SLC8A3: variants seen among roughly 807,000 people sequenced by gnomAD.
The protein encoded by SLC8A3 is sodium/calcium exchanger 3.
A neutral mutation model predicts 65.4 loss-of-function variants in SLC8A3; 37 were observed. That is an observed-to-expected ratio of 0.57 (90% CI 0.44 to 0.74). The LOEUF (loss-of-function observed/expected upper bound fraction) is 0.74. Among genes scored for constraint, SLC8A3 ranks in the 30% least tolerant of loss-of-function variants. SLC8A3 has a pLI of 0.00. For missense variants in SLC8A3, 1,112 were observed against 1,172.1 expected, an observed-to-expected ratio of 0.95 and a Z score of 0.75; for synonymous variants, 461 against 444.5, an observed-to-expected ratio of 1.04 and a Z score of -0.47.
intron 2 of SLC8A3, among the ~76,000 whole-genome samples, chr14:70,076,131 C>G (rs1890496368): frequency 6.6e-6 from 1 of 152,168 alleles, no homozygotes. Flanking sequence ...ATATCTTGTC[C>G]TCATTCCTGC....
intron 2 of SLC8A3, among the ~76,000 whole-genome samples, chr14:70,064,782 GT>G (rs1426978246): frequency 1.3e-5 from 2 of 152,180 alleles, no homozygotes; most frequent in African/African-American, 4.8e-5. Context: ...AAAGGTGTTA[GT>G]TTGTTAATAT....
chr14:70,068,324 T>C (rs1197509118), intron 2 of SLC8A3, among the ~76,000 whole-genome samples: 1 of 152,210 alleles, frequency 6.6e-6, no homozygotes, highest in Non-Finnish European at 1.5e-5. Flanking sequence ...ATAATATATA[T>C]GCTTACATTG....
chr14:70,064,605 TTCA>T (rs1376113851), intron 2 of SLC8A3, among the ~76,000 whole-genome samples: 1 of 152,022 alleles, frequency 6.6e-6, no homozygotes, highest in African/African-American at 2.4e-5. Context: ...ATTCTGGCAA[TTCA>T]CAGAGGGCCT....
At chr14:70,069,260 G>A (rs1889774397) in intron 2 of SLC8A3, among the ~76,000 whole-genome samples, 2 of 152,142 alleles carry the variant, frequency 1.3e-5, no homozygotes, top group Admixed American at 6.5e-5. Context: ...GGTAATAAGT[G>A]GATCTGCCTC....
At chr14:70,151,214 A>G (rs1269418994) in intron 2 of SLC8A3, among the ~76,000 whole-genome samples, 3 of 151,468 alleles carry the variant, frequency 2.0e-5, no homozygotes, top group Non-Finnish European at 4.4e-5. Flanking sequence ...AGATCGTGCC[A>G]CTGCACTCCA....
At chr14:70,168,533 G>T in intron 1 of SLC8A3, 49 bp from the exon 2 acceptor site, 2 of 780,390 alleles carry the variant, frequency 2.6e-6, no homozygotes, top group Non-Finnish European at 2.0e-6. Flanking sequence ...AAAGGGGACA[G>T]CAAACGGCAG....
chr14:70,090,187 T>C (rs1427616726), intron 2 of SLC8A3, among the ~76,000 whole-genome samples: 1 of 152,188 alleles, frequency 6.6e-6, no homozygotes, highest in Non-Finnish European at 1.5e-5. Flanking sequence ...GATAATTTCT[T>C]TGATCAACAC....
chr14:70,149,396 C>G (rs2140301179), intron 2 of SLC8A3, among the ~76,000 whole-genome samples: 1 of 152,292 alleles, frequency 6.6e-6, no homozygotes, highest in Non-Finnish European at 1.5e-5. Context: ...TGCTCCAGAT[C>G]ACTTGGCCAT....
At chr14:70,062,265 C>T (rs916749891) in intron 2 of SLC8A3, among the ~76,000 whole-genome samples, 1 of 152,072 alleles carries the variant, frequency 6.6e-6, no homozygotes, top group Non-Finnish European at 1.5e-5. Flanking sequence ...AGTAGACTGA[C>T]CCAAAGGGGC....
chr14:70,079,230 C>A (rs1890811926), intron 2 of SLC8A3, among the ~76,000 whole-genome samples: 1 of 151,350 alleles, frequency 6.6e-6, no homozygotes, highest in African/African-American at 2.4e-5. Flanking sequence ...ACACCTGTAA[C>A]CACAGCACTT....
At chr14:70,117,171 C>T (rs957691024) in intron 2 of SLC8A3, among the ~76,000 whole-genome samples, 11 of 152,208 alleles carry the variant, frequency 7.2e-5, no homozygotes, top group African/African-American at 2.7e-4. Context: ...AGTCTTGGTG[C>T]CCAATGTGGC....
rs116816802 is a variant in SLC8A3, at chr14:70,054,855, A to G, written c.1889-2741T>C. Among the ~76,000 whole-genome samples, 790 of 152,240 alleles carry G rather than the reference A, an allele frequency of 5.2e-3. 10 individuals are homozygous for G. Among genetic ancestry groups the G allele is most frequent in the African/African-American group, 0.018 (760 of 41,532 alleles). The stretch of plus-strand genomic sequence containing the variant: ...AGCCTGTAGGTGACTTTGAATATAA[A>G]TGAACTCTGTAAGATGTTTTGCCTC... On this transcript the variant is annotated intron_variant, in intron 3 of 6. Transcript: ENST00000356921.
chr14:70,158,930 A>G (rs1412505550), intron 2 of SLC8A3, among the ~76,000 whole-genome samples: 1 of 152,200 alleles, frequency 6.6e-6, no homozygotes, highest in Admixed American at 6.5e-5. Flanking sequence ...CAAAATCCTC[A>G]AAGCATTTGA....
intron 2 of SLC8A3, among the ~76,000 whole-genome samples, chr14:70,109,048 T>C (rs899622893): frequency 6.6e-6 from 1 of 152,246 alleles, no homozygotes; most frequent in Non-Finnish European, 1.5e-5. Context: ...CTTTCATGTG[T>C]AGCACTTTTC....
At chr14:70,054,492 C>G (rs1887855374) in intron 3 of SLC8A3, among the ~76,000 whole-genome samples, 1 of 150,882 alleles carries the variant, frequency 6.6e-6, no homozygotes, top group South Asian at 2.1e-4. Context: ...AAATCACAAT[C>G]TTTGTTATGC....
chr14:70,095,825 T>A (rs111942559), intron 2 of SLC8A3, among the ~76,000 whole-genome samples: 55 of 152,214 alleles, frequency 3.6e-4, no homozygotes, highest in African/African-American at 1.2e-3. Flanking sequence ...GTTCCTGTTT[T>A]CAGCACCTGT....
intron 1 of SLC8A3, among the ~76,000 whole-genome samples, chr14:70,184,247 C>G (rs778917530): frequency 2.3e-4 from 35 of 152,162 alleles, no homozygotes; most frequent in Non-Finnish European, 2.5e-4. Context: ...CTTCCTCTCT[C>G]TCCCACTTTC....
At position 70,046,124 on chromosome 14, in the gene SLC8A3, G is replaced by C. The variant is rs1480746322; in HGVS notation, c.2589C>G (p.Thr863=). Residue 863 remains threonine (T), a synonymous_variant, in exon 7 of 7, where the codon ACC becomes ACG. Transcript: ENST00000356921. This position sits in a 1 kb window ranked among gnomAD's most constrained non-coding sequence, Gnocchi z 4.2. Reference sequence around the variant, plus strand: ...CGCTGATGCAGACAAATGCAAAGATGGTGAAGAGGGTGACGGAGAAGGCCA... The same window carrying C: ...CGCTGATGCAGACAAATGCAAAGATCGTGAAGAGGGTGACGGAGAAGGCCA... ...GTLAFSVTLF[T]IFAFVCISVL... 13 of 1,614,072 alleles carry C rather than the reference G, an allele frequency of 8.1e-6. No individual in the cohort carries two copies. Among genetic ancestry groups the C allele is most frequent in the Non-Finnish European group, 1.0e-5 (12 of 1,180,030 alleles).
intron 2 of SLC8A3, among the ~76,000 whole-genome samples, chr14:70,138,598 G>T (rs767394988): frequency 6.6e-6 from 1 of 152,206 alleles, no homozygotes; most frequent in African/African-American, 2.4e-5. Context: ...TGGACTCAGA[G>T]CTTTGCTGAC....
Sources: gnomAD v4.1 joint callset for allele counts (sites outside exome capture counted in the v4.1 genomes callset) on GRCh38, gnomAD v4.1.1 for gene constraint, Gnocchi (gnomAD v3.1) non-coding constraint, MANE v1.5 for transcripts, NCBI Gene and HGNC (gene_info 2026-07-23, HGNC 2026-07-21) for gene names.